Variants in ERICH1 observed in about 807,000 individuals in gnomAD.
ERICH1 encodes glutamate-rich protein 1.
A neutral mutation model predicts 39.6 loss-of-function variants in ERICH1; 56 were observed. The ratio of observed to expected loss-of-function variants is 1.41; its 90% CI spans 1.14 to 1.77. The LOEUF (loss-of-function observed/expected upper bound fraction) is 1.77, where lower values mean the gene tolerates loss of function less well. ERICH1 is among the 40% of genes most tolerant of loss of function. ERICH1 has a pLI of 0.00. For synonymous variants in ERICH1, 313 were observed against 223.6 expected (o/e 1.40, Z -3.57); for missense variants, 826 against 575.4 (o/e 1.44, Z -4.45).
downstream of ERICH1, among the ~76,000 whole-genome samples, chr8:663,860 T>C (rs966556575): frequency 1.2e-4 from 18 of 151,966 alleles, no homozygotes; most frequent in African/African-American, 4.4e-4. Context: ...CCCAGGTTCA[T>C]GCCATTCTCT....
At chr8:628,213 C>A (rs992492725) in intron 3 of ERICH1, among the ~76,000 whole-genome samples, 1 of 152,218 alleles carries the variant, frequency 6.6e-6, no homozygotes, top group African/African-American at 2.4e-5. Context: ...TTGATGTTAT[C>A]TGCAGGCTAG....
downstream of ERICH1, among the ~76,000 whole-genome samples, chr8:659,869 T>G (rs113756892): frequency 7.9e-5 from 6 of 76,088 alleles, no homozygotes; most frequent in East Asian, 4.7e-4. Flanking sequence ...AGATCTCCAG[T>G]GTGCACTGAA....
intron 1 of ERICH1, among the ~76,000 whole-genome samples, chr8:729,909 T>C (rs1251622508): frequency 1.3e-5 from 2 of 151,860 alleles, no homozygotes; most frequent in Non-Finnish European, 2.9e-5. Flanking sequence ...AGTGCAAACA[T>C]TTGAAGGAAT....
At chr8:726,131 A>G (rs1255501647) in intron 1 of ERICH1, among the ~76,000 whole-genome samples, 1 of 152,152 alleles carries the variant, frequency 6.6e-6, no homozygotes, top group Non-Finnish European at 1.5e-5. Context: ...ACCCAACCAG[A>G]CCAACGCCAT....
At chr8:725,502 A>T (rs532695190) in intron 1 of ERICH1, 3 of 152,402 alleles carry the variant, frequency 2.0e-5, no homozygotes, top group Admixed American at 1.3e-4. Flanking sequence ...CTGAGGCGCC[A>T]GCCGTCAGGG....
intron 2 of ERICH1, among the ~76,000 whole-genome samples, chr8:714,689 G>T: frequency 5.3e-5 from 1 of 18,738 alleles, no homozygotes; most frequent in African/African-American, 2.2e-4. Context: ...CACCCAGGCG[G>T]CCTCTTCCGG....
intron 3 of ERICH1, among the ~76,000 whole-genome samples, chr8:655,337 T>G (rs570815135): frequency 3.4e-4 from 52 of 152,318 alleles, no homozygotes; most frequent in African/African-American, 1.2e-3. Flanking sequence ...ACACGGCAGA[T>G]AGTAATTAAG....
At chr8:718,571 T>C (rs1937184689) in intron 1 of ERICH1, among the ~76,000 whole-genome samples, 1 of 152,206 alleles carries the variant, frequency 6.6e-6, no homozygotes, top group African/African-American at 2.4e-5. Context: ...GCGGGAACAA[T>C]GTAAAGTCAG....
At chr8:723,124 G>A (rs1817722529) in intron 1 of ERICH1, among the ~76,000 whole-genome samples, 1 of 152,142 alleles carries the variant, frequency 6.6e-6, no homozygotes, top group Non-Finnish European at 1.5e-5. Flanking sequence ...AAAAGGCCGG[G>A]ACCTCCACCT....
intron 2 of ERICH1, among the ~76,000 whole-genome samples, chr8:699,021 A>G (rs1811043069): frequency 6.6e-6 from 1 of 151,520 alleles, no homozygotes; most frequent in Admixed American, 6.6e-5. Flanking sequence ...CGGGAGGCTC[A>G]GTGGAGCCCA....
intron 3 of ERICH1, among the ~76,000 whole-genome samples, chr8:651,036 G>A (rs545175697): frequency 3.7e-4 from 57 of 152,336 alleles, no homozygotes; most frequent in Admixed American, 1.4e-3. Flanking sequence ...AGTCTTGCAG[G>A]GGTTCAGTGG....
intron 2 of ERICH1, 31 bp downstream of exon 2, chr8:715,830 G>A (rs764665428): frequency 7.6e-6 from 12 of 1,585,128 alleles, no homozygotes; most frequent in Non-Finnish European, 1.0e-5. Flanking sequence ...TTCAGTTTCT[G>A]AGACCCACCC....
Position 715,841 on chromosome 8 carries a change from A to T in ERICH1, c.169+20T>A. The stretch of plus-strand genomic sequence containing the variant: ...TAACTTCAGTTTCTGAGACCCACCC[A>T]CATCTGCAGACAAACTCACCTGTCA... On this transcript the variant is annotated intron_variant, in intron 2 of 5. Coordinates refer to ENST00000262109, the MANE Select transcript of ERICH1 (RefSeq NM_207332.3). The T allele has an allele frequency of 6.3e-7, 1 of 1,598,588 alleles. No individual in the cohort carries two copies. Among genetic ancestry groups the T allele is most frequent in the Non-Finnish European group, 8.5e-7 (1 of 1,173,968 alleles).
Position 664,517 on chromosome 8 carries a change from C to A in ERICH1, c.*86G>T. The A allele has an allele frequency of 6.9e-7, 1 of 1,443,576 alleles. No homozygotes were observed. Among genetic ancestry groups the A allele is most frequent in the Non-Finnish European group, 9.1e-7 (1 of 1,093,518 alleles). 89.4% of individuals were successfully genotyped at this position (1,443,576 alleles called of 1,614,324 possible). A position where few individuals can be genotyped will look rare whatever the true frequency, so the allele number is the denominator to read the frequency against. ...TATGGCATAAATGTCTTTCAAGTTCCCAGAGAACTAACTCTAAGCCCATCT... is the reference window on the plus strand; with the variant it reads ...TATGGCATAAATGTCTTTCAAGTTCACAGAGAACTAACTCTAAGCCCATCT... On this transcript the variant is annotated 3_prime_UTR_variant, in exon 6 of 6. Transcript: ENST00000262109.
chr8:710,159 G>A (rs572280689), intron 2 of ERICH1, among the ~76,000 whole-genome samples: 8 of 152,064 alleles, frequency 5.3e-5, no homozygotes, highest in South Asian at 2.1e-4. Context: ...TTTACATTGC[G>A]GTTCACTCTC....
chr8:671,227 C>T (rs1372272677), intron 4 of ERICH1, among the ~76,000 whole-genome samples: 1 of 142,222 alleles, frequency 7.0e-6, no homozygotes, highest in Non-Finnish European at 1.5e-5. Context: ...GCCCACTGGT[C>T]CCCAGGCTCT....
At chr8:708,405 T>A (rs1813793676) in intron 2 of ERICH1, among the ~76,000 whole-genome samples, 1 of 152,286 alleles carries the variant, frequency 6.6e-6, no homozygotes, top group Non-Finnish European at 1.5e-5. Context: ...CAAACATTCA[T>A]CAACTGATGA....
At chr8:658,248 T>C (rs1385039230) in intron 3 of ERICH1, among the ~76,000 whole-genome samples, 1 of 152,066 alleles carries the variant, frequency 6.6e-6, no homozygotes, top group Non-Finnish European at 1.5e-5. Context: ...GCCCCTCCCC[T>C]TCTCATTTGC....
chr8:716,197 C>T (rs1815953601), intron 1 of ERICH1, among the ~76,000 whole-genome samples, 190 bp from the exon 2 acceptor site: 1 of 152,234 alleles, frequency 6.6e-6, no homozygotes, highest in African/African-American at 2.4e-5. Context: ...CAGAGGAACC[C>T]TTGAGGCTGG....
Sources: allele counts gnomAD v4.1 joint callset (sites outside exome capture counted in the v4.1 genomes callset), GRCh38; gene constraint gnomAD v4.1.1; transcripts MANE v1.5; gene names NCBI Gene and HGNC (gene_info 2026-07-23, HGNC 2026-07-21).